CDH18: variants seen among roughly 807,000 people sequenced by gnomAD.
CDH18 encodes the protein cadherin 18.
A neutral mutation model predicts 67.9 loss-of-function variants in CDH18; 31 were observed. The observed-to-expected ratio is 0.46, with a 90% CI of 0.34 to 0.62. The LOEUF (loss-of-function observed/expected upper bound fraction) is 0.62. CDH18 is among the 20% of genes least tolerant of loss of function. CDH18 has a pLI of 0.01. For synonymous variants in CDH18, 362 were observed against 347.2 expected, an observed-to-expected ratio of 1.04 and a Z score of -0.48; for missense variants, 890 against 975.5, an observed-to-expected ratio of 0.91 and a Z score of 1.17.
chr5:20,270,395 C>T (rs147452031), intron 1 of CDH18, among the ~76,000 whole-genome samples: 5 of 152,082 alleles, frequency 3.3e-5, no homozygotes, highest in East Asian at 3.9e-4. Context: ...TCAATGTCAC[C>T]GATCATTAAA....
In CDH18 at chr5:19,830,822, C is replaced by T. The variant is rs540962556; in HGVS notation, c.228+7937G>A. Among the ~76,000 whole-genome samples the T allele has an allele frequency of 5.3e-4, 80 of 152,044 alleles. 1 individual carries two copies. In the Middle Eastern group the frequency reaches 0.01, roughly 20 times the overall value. ...AAGAGTATCCTGGATAATGACCATG[C>T]GGCACATACAAACCATGGAATACTA... On this transcript the variant is annotated intron_variant, in intron 3 of 12. Coordinates refer to ENST00000382275, the MANE Select transcript of CDH18 (RefSeq NM_004934.5).
chr5:20,236,886 G>C (rs191315666), intron 2 of CDH18, among the ~76,000 whole-genome samples: 1 of 151,830 alleles, frequency 6.6e-6, no homozygotes, highest in Non-Finnish European at 1.5e-5. Context: ...ACCAGACACT[G>C]ATATTACAAA....
At chr5:20,572,758 A>T (rs1430322252) in intron 1 of CDH18, among the ~76,000 whole-genome samples, 1 of 152,146 alleles carries the variant, frequency 6.6e-6, no homozygotes, top group Non-Finnish European at 1.5e-5. Context: ...GTACTTTCTC[A>T]ATTCTTGTTT....
At chr5:19,647,374 A>C (rs1313245949) in intron 5 of CDH18, among the ~76,000 whole-genome samples, 4 of 151,146 alleles carry the variant, frequency 2.6e-5, no homozygotes, top group South Asian at 4.2e-4. Context: ...TAACAACAAA[A>C]AAAAAATTAG....
intron 5 of CDH18, among the ~76,000 whole-genome samples, chr5:19,669,266 T>A (rs1758411171): frequency 1.5e-5 from 2 of 135,680 alleles, no homozygotes; most frequent in Non-Finnish European, 3.0e-5. Context: ...AAATATTATA[T>A]TATATATTAT....
intron 10 of CDH18, among the ~76,000 whole-genome samples, chr5:19,519,474 C>G (rs980584751): frequency 1.3e-5 from 2 of 152,094 alleles, no homozygotes; most frequent in African/African-American, 4.8e-5. Context: ...TCAGAAAGGG[C>G]ATATTTTGAC....
At chr5:19,765,493 A>G (rs923065910) in intron 3 of CDH18, among the ~76,000 whole-genome samples, 3 of 152,132 alleles carry the variant, frequency 2.0e-5, no homozygotes, top group African/African-American at 7.2e-5. Context: ...CTTGTGAATT[A>G]AACCATATTA....
At chr5:19,701,133 A>G (rs1763198636) in intron 5 of CDH18, among the ~76,000 whole-genome samples, 1 of 152,128 alleles carries the variant, frequency 6.6e-6, no homozygotes, top group Non-Finnish European at 1.5e-5. Context: ...TAAATCTTGT[A>G]TATTTGGGAA....
chr5:19,640,225 G>T (rs1460927946), intron 5 of CDH18, among the ~76,000 whole-genome samples: 2 of 152,124 alleles, frequency 1.3e-5, no homozygotes, highest in Non-Finnish European at 2.9e-5. Flanking sequence ...ATGTAGCACT[G>T]TAATAGGGGT....
chr5:20,269,947 A>G (rs1207176013), intron 1 of CDH18, among the ~76,000 whole-genome samples: 1 of 152,118 alleles, frequency 6.6e-6, no homozygotes, highest in Non-Finnish European at 1.5e-5. Flanking sequence ...ATAAGTCAAC[A>G]TGCAATAGGA....
At chr5:20,522,657 G>A (rs958345783) in intron 1 of CDH18, among the ~76,000 whole-genome samples, 1 of 152,118 alleles carries the variant, frequency 6.6e-6, no homozygotes, top group Non-Finnish European at 1.5e-5. Flanking sequence ...AAAGGCAAGA[G>A]AGCACCTTGT....
intron 2 of CDH18, among the ~76,000 whole-genome samples, chr5:20,169,199 T>C (rs549495902): frequency 6.6e-6 from 1 of 152,252 alleles, no homozygotes; most frequent in South Asian, 2.1e-4. Flanking sequence ...TTCTCCATGA[T>C]CTGATTATTT....
At chr5:20,340,329 C>T (rs148717293) in intron 1 of CDH18, among the ~76,000 whole-genome samples, 36 of 152,230 alleles carry the variant, frequency 2.4e-4, no homozygotes, top group Admixed American at 1.6e-3. Flanking sequence ...GTGGCCACCT[C>T]GTCTTTTACA....
chr5:20,088,172 C>T (rs1580210262), intron 2 of CDH18, among the ~76,000 whole-genome samples: 1 of 152,188 alleles, frequency 6.6e-6, no homozygotes, highest in Non-Finnish European at 1.5e-5. Flanking sequence ...TTCCCATATC[C>T]TAGCAAAATA....
chr5:19,783,239 G>A (rs899514795), intron 3 of CDH18, among the ~76,000 whole-genome samples: 3 of 152,100 alleles, frequency 2.0e-5, no homozygotes, highest in Non-Finnish European at 4.4e-5. Flanking sequence ...ACTTGAGATT[G>A]TGATAGGCTT....
At chr5:20,493,393 A>AAAAAAT (rs1561061223) in intron 1 of CDH18, among the ~76,000 whole-genome samples, 10 of 117,814 alleles carry the variant, frequency 8.5e-5, no homozygotes, top group South Asian at 2.9e-4. Context: ...AAAGCAAAGA[A>AAAAAAT]TTTTTTGTTT....
intron 1 of CDH18, among the ~76,000 whole-genome samples, chr5:20,275,302 G>A (rs1480951418): frequency 6.6e-6 from 1 of 151,964 alleles, no homozygotes; most frequent in Non-Finnish European, 1.5e-5. Context: ...TGCCTTAAAA[G>A]CGTGTGGCAC....
Position 20,529,516 on chromosome 5 carries a change from C to A in CDH18, c.-580+45946G>T, listed in dbSNP as rs1756271166. 2.0e-5 allele frequency among the ~76,000 whole-genome samples: 3 copies of A among 151,816 alleles called. 1 individual carries two copies. Among genetic ancestry groups the A allele is most frequent in the African/African-American group, 7.3e-5 (3 of 41,190 alleles). ...TAAAATACTGGCAAACTGAATCCAG[C>A]AGCACGTCTAAAAGCTTATCCACCA... On this transcript the variant is annotated intron_variant, in intron 1 of 14. Coordinates refer to the CDH18 transcript ENST00000507958.
intron 5 of CDH18, among the ~76,000 whole-genome samples, chr5:19,694,666 T>A (rs1762314661): frequency 6.6e-6 from 1 of 151,892 alleles, no homozygotes; most frequent in African/African-American, 2.4e-5. Flanking sequence ...TGTGTGTGTG[T>A]GTGTGTGTGT....
Sources: allele counts gnomAD v4.1 joint callset (sites outside exome capture counted in the v4.1 genomes callset), GRCh38; gene constraint gnomAD v4.1.1; transcripts MANE v1.5; gene names NCBI Gene and HGNC (gene_info 2026-07-23, HGNC 2026-07-21).